EIF3J: variants seen among roughly 807,000 people sequenced by gnomAD.
The protein encoded by EIF3J is eukaryotic translation initiation factor 3 subunit J.
EIF3J carries 15 observed loss-of-function variants against 39.0 expected under a neutral mutation model. The ratio of observed to expected loss-of-function variants is 0.38; its 90% CI spans 0.26 to 0.59. The LOEUF is 0.59. Among genes scored for constraint, EIF3J ranks in the 20% least tolerant of loss-of-function variants. EIF3J has a pLI of 0.60. For missense variants in EIF3J, 226 were observed against 308.6 expected (o/e 0.73, Z 2.00); for synonymous variants, 98 against 112.9 (o/e 0.87, Z 0.84).
At chr15:44,560,629 CAAT>C (rs1348984144) in intron 7 of EIF3J, 2 of 355,658 alleles carry the variant, frequency 5.6e-6, no homozygotes, top group Non-Finnish European at 1.0e-5. Context: ...AAAATAGGAA[CAAT>C]AATACTCACT....
chr15:44,547,430 G>A (rs973164254), intron 2 of EIF3J, among the ~76,000 whole-genome samples: 2 of 149,666 alleles, frequency 1.3e-5, no homozygotes, highest in African/African-American at 2.5e-5. Context: ...GGCGTAAGCC[G>A]GCCTTGATTC....
rs2082202142 is a variant in EIF3J, at chr15:44,561,966, A to G, written c.*817A>G. The G allele has an allele frequency of 6.6e-6, 1 of 152,626 alleles. No individual in the cohort carries two copies. Among genetic ancestry groups the G allele is most frequent in the African/African-American group, 2.4e-5 (1 of 41,438 alleles). The allele number at this position is 152,626 out of a possible 1,614,324, so 9.5% of individuals were successfully genotyped here. ...GGCATTTCCTTTCCTTTCCTTTATA[A>G]AACATGCTCAGCAAACTGCACCAGT... On this transcript the variant is annotated 3_prime_UTR_variant, in exon 8 of 8. Coordinates refer to ENST00000261868, the MANE Select transcript of EIF3J (RefSeq NM_003758.4).
At chr15:44,558,807 A>G (rs916536071) in intron 6 of EIF3J, 1 of 152,170 alleles carries the variant, frequency 6.6e-6, no homozygotes, top group Non-Finnish European at 1.5e-5. Flanking sequence ...TTGATAAATT[A>G]TCACTAAGCT....
rs1567115190 is a variant in EIF3J at position 44,540,258 on chromosome 15, TA to T, written c.147+2832del. Reference sequence around the variant, plus strand: ...GGCTATATATATATATATATATATATATATATATATTTTTTTTTTTTTTTTG... The same window carrying T: ...GGCTATATATATATATATATATATATTATATATATTTTTTTTTTTTTTTTG... On this transcript the variant is annotated intron_variant, in intron 2 of 7. Coordinates refer to ENST00000261868, the MANE Select transcript of EIF3J (RefSeq NM_003758.4). Among the ~76,000 whole-genome samples, 49 of 55,408 alleles carry T rather than the reference TA, an allele frequency of 8.8e-4. No homozygotes were observed. In the South Asian group the frequency reaches 0.012, roughly 13 times the overall value. 36.3% of individuals were successfully genotyped at this position (55,408 alleles called of 152,430 possible).
chr15:44,537,274 G>GCCGGCC (rs1269831736), intron 1 of EIF3J, 37 bp downstream of exon 1: 72 of 1,568,352 alleles, frequency 4.6e-5, no homozygotes, highest in Non-Finnish European at 5.8e-5. Flanking sequence ...CCGGGCCGGC[G>GCCGGCC]CCGGCCCCAC....
chr15:44,541,108 C>G (rs751724053), intron 2 of EIF3J, among the ~76,000 whole-genome samples: 1 of 152,154 alleles, frequency 6.6e-6, no homozygotes, highest in Non-Finnish European at 1.5e-5. Context: ...AGCATAGTTT[C>G]CCATCACCCT....
Position 44,560,121 on chromosome 15 carries a change from A to G in EIF3J, c.572-128A>G, listed in dbSNP as rs979805162. ...TGAAGTTTAACAATGAACAAATTGGATTTCTCATAACACTTTTGGAATGTA... is the reference window on the plus strand; with the variant it reads ...TGAAGTTTAACAATGAACAAATTGGGTTTCTCATAACACTTTTGGAATGTA... On this transcript the variant is annotated intron_variant, in intron 6 of 7. Transcript: ENST00000261868. The G allele has an allele frequency of 3.6e-5, 26 of 716,584 alleles. No individual in the cohort carries two copies. The African/African-American group carries it at 4.5e-4, about 13-fold the overall frequency. 44.4% of individuals were successfully genotyped at this position (716,584 alleles called of 1,614,324 possible).
chr15:44,560,561 C>A (rs1463455939), intron 7 of EIF3J: 2 of 486,652 alleles, frequency 4.1e-6, no homozygotes, highest in South Asian at 3.3e-5. Context: ...AATACTAGCA[C>A]TGCTACTTAA....
At chr15:44,556,857 G>GC (rs2082149200) in intron 5 of EIF3J, among the ~76,000 whole-genome samples, 1 of 151,814 alleles carries the variant, frequency 6.6e-6, no homozygotes, top group African/African-American at 2.4e-5. Flanking sequence ...ATGAGGTCTT[G>GC]CTGTGTTGCC....
intron 7 of EIF3J, 89 bp downstream of exon 7, chr15:44,560,411 A>G: frequency 7.8e-7 from 1 of 1,280,916 alleles, no homozygotes; most frequent in South Asian, 1.3e-5. Context: ...AGCCTGTCCT[A>G]ATTAAAAGTC....
intron 2 of EIF3J, among the ~76,000 whole-genome samples, chr15:44,538,653 G>C (rs929276942): frequency 1.6e-4 from 24 of 152,170 alleles, no homozygotes; most frequent in African/African-American, 5.5e-4. Context: ...ACACATTGAA[G>C]TTAATAAATC....
chr15:44,548,005 G>A (rs952983421), intron 2 of EIF3J, among the ~76,000 whole-genome samples: 1 of 152,144 alleles, frequency 6.6e-6, no homozygotes, highest in African/African-American at 2.4e-5. Flanking sequence ...AGTTAGATAA[G>A]TTGATATGAG....
intron 5 of EIF3J, among the ~76,000 whole-genome samples, chr15:44,556,684 A>G (rs1290741540): frequency 6.6e-6 from 1 of 151,900 alleles, no homozygotes; most frequent in South Asian, 2.1e-4. Context: ...TAATTTTTGT[A>G]TTTTTGGTAG....
chr15:44,546,481 A>G (rs1392755726), intron 2 of EIF3J, among the ~76,000 whole-genome samples: 1 of 152,136 alleles, frequency 6.6e-6, no homozygotes, highest in African/African-American at 2.4e-5. Flanking sequence ...CAAATTTGTG[A>G]TCTGTCGTGT....
chr15:44,555,530 T>C (rs1213620532), intron 5 of EIF3J, among the ~76,000 whole-genome samples: 1 of 152,212 alleles, frequency 6.6e-6, no homozygotes, highest in East Asian at 1.9e-4. Context: ...TTGATGTGAA[T>C]GCTCCTGTGC....
chr15:44,558,308 A>T (rs1055093432), intron 6 of EIF3J, among the ~76,000 whole-genome samples: 5 of 152,102 alleles, frequency 3.3e-5, no homozygotes, highest in African/African-American at 4.8e-5. Flanking sequence ...CTCCTGGGTT[A>T]AAGCAATTCT....
At position 44,560,235 on chromosome 15, in the gene EIF3J, C is replaced by CT. The variant is rs754258428; in HGVS notation, c.572-4dup. On this transcript the variant is annotated splice_polypyrimidine_tract_variant and intron_variant, in intron 6 of 7. Transcript: ENST00000261868. ...AAAAATTCAAGTTTAATGGTATGCC[C>CT]TTTTTTTTTTAAGTGGAAATTGATG... 2,973 of 1,301,238 alleles carry CT rather than the reference C, an allele frequency of 2.3e-3. No individual in the cohort carries two copies. Among genetic ancestry groups the CT allele is most frequent in the South Asian group, 5.0e-3 (339 of 67,770 alleles). The allele number at this position is 1,301,238 out of a possible 1,614,324, so 80.6% of individuals were successfully genotyped here.
chr15:44,561,575 T>A lies in EIF3J; in HGVS notation c.*426T>A, dbSNP rs1445562725. On this transcript the variant is annotated 3_prime_UTR_variant, in exon 8 of 8. Coordinates refer to ENST00000261868, the MANE Select transcript of EIF3J (RefSeq NM_003758.4). ...AGCAGTTTGCAGCAAGGGCATGTGGTGTGCACCTAGTATTAAAATTGCTTT... is the reference window on the plus strand; with the variant it reads ...AGCAGTTTGCAGCAAGGGCATGTGGAGTGCACCTAGTATTAAAATTGCTTT... The A allele has an allele frequency of 6.5e-6, 1 of 154,246 alleles. No homozygotes were observed. Among genetic ancestry groups the A allele is most frequent in the Admixed American group, 6.4e-5 (1 of 15,522 alleles). 9.6% of individuals were successfully genotyped at this position (154,246 alleles called of 1,614,324 possible). A position where few individuals can be genotyped will look rare whatever the true frequency, so the allele number is the denominator to read the frequency against.
intron 2 of EIF3J, among the ~76,000 whole-genome samples, chr15:44,540,640 CA>C (rs1217373380): frequency 1.3e-5 from 2 of 152,138 alleles, no homozygotes; most frequent in Non-Finnish European, 2.9e-5. Context: ...AGAGTTTCGC[CA>C]AGTTGCCCAG....
Sources: gnomAD v4.1 joint callset for allele counts (sites outside exome capture counted in the v4.1 genomes callset) on GRCh38, gnomAD v4.1.1 for gene constraint, MANE v1.5 for transcripts, NCBI Gene and HGNC (gene_info 2026-07-23, HGNC 2026-07-21) for gene names.